Variants in DDTL observed in about 807,000 individuals in gnomAD.
The protein encoded by DDTL is D-dopachrome tautomerase like, also known as putative D-dopachrome decarboxylase-like protein.
In DDTL, 1 loss-of-function variant was observed where a neutral mutation model predicts 1.1. That is an observed-to-expected ratio of 0.91 (90% CI 0.32 to 4.31). DDTL has a LOEUF of 4.31. DDTL is among the 30% of genes most tolerant of loss of function. The pLI, the probability that DDTL is intolerant of heterozygous loss-of-function variation, is 0.17. For missense variants in DDTL, 54 were observed against 48.9 expected, an observed-to-expected ratio of 1.10 and a Z score of -0.31; for synonymous variants, 21 against 16.6, an observed-to-expected ratio of 1.26 and a Z score of -0.64.
intron 2 of DDTL, among the ~76,000 whole-genome samples, chr22:23,970,923 C>T (rs565455415): frequency 9.2e-5 from 14 of 152,010 alleles, no homozygotes; most frequent in South Asian, 2.1e-4. Flanking sequence ...GGGAGGGAGT[C>T]GAAGCTTGCA....
chr22:23,969,970 A>C (rs1332880775), intron 2 of DDTL: 1 of 545,330 alleles, frequency 1.8e-6, no homozygotes, highest in Non-Finnish European at 2.3e-6. Flanking sequence ...ATTGTTAAGC[A>C]GGGCCAGCAG....
intron 2 of DDTL, chr22:23,969,676 C>T: frequency 1.1e-6 from 1 of 915,652 alleles, no homozygotes; most frequent in Non-Finnish European, 1.3e-6. Context: ...ACAATTAGCC[C>T]AGCATGGTGG....
intron 2 of DDTL, among the ~76,000 whole-genome samples, chr22:23,970,509 G>C (rs183093330): frequency 0.02 from 2,986 of 151,586 alleles, 37 homozygotes; most frequent in Non-Finnish European, 0.028. Flanking sequence ...AGTGAATGCT[G>C]TGATTGTGTG....
At chr22:23,969,883 A>T in intron 2 of DDTL, 1 of 985,262 alleles carries the variant, frequency 1.0e-6, no homozygotes, top group Non-Finnish European at 1.2e-6. Context: ...ATAAAGTTAA[A>T]CAGTCAGTCC....
intron 2 of DDTL, chr22:23,969,742 C>T: frequency 1.0e-6 from 1 of 984,110 alleles, no homozygotes; most frequent in Non-Finnish European, 1.2e-6. Flanking sequence ...TTGTTTAGGC[C>T]CAGGAGGTCG....
In DDTL at chr22:23,971,679, C is replaced by G. The variant is rs79966373; in HGVS notation, c.*273C>G. ...GCTCCTTGGCTAATACCACATCTTGCAAGACCCCTGCCAGGTACTCCCACT... is the reference window on the plus strand; with the variant it reads ...GCTCCTTGGCTAATACCACATCTTGGAAGACCCCTGCCAGGTACTCCCACT... On this transcript the variant is annotated 3_prime_UTR_variant, in exon 3 of 3. Coordinates refer to ENST00000215770, the MANE Select transcript of DDTL (RefSeq NM_001084393.2). 96,582 of 1,526,500 alleles carry G rather than the reference C, an allele frequency of 0.063. 3,775 individuals carry two copies. Among genetic ancestry groups the G allele is most frequent in the African/African-American group, 0.17 (12,500 of 72,972 alleles). The allele number at this position is 1,526,500 out of a possible 1,614,324, so 94.6% of individuals were successfully genotyped here. A position where few individuals can be genotyped will look rare whatever the true frequency, so the allele number is the denominator to read the frequency against.
At chr22:23,970,162 G>A (rs548625714) in intron 2 of DDTL, among the ~76,000 whole-genome samples, 40 of 152,310 alleles carry the variant, frequency 2.6e-4, no homozygotes, top group Admixed American at 1.4e-3. Context: ...GGCCAAAGGC[G>A]GAGGTGACAC....
At position 23,971,425 on chromosome 22, in the gene DDTL, T is replaced by C. The variant is rs2033898717; in HGVS notation, c.*19T>C. ...CATATGAGGATGAAGAAGAGGATTA[T>C]GTGATCACAGGAATGTTGCATGCGG... is the stretch of plus-strand genomic sequence containing the variant. On this transcript the variant is annotated 3_prime_UTR_variant, in exon 3 of 3. Coordinates refer to ENST00000215770, the MANE Select transcript of DDTL (RefSeq NM_001084393.2). The C allele has an allele frequency of 1.2e-6, 2 of 1,612,010 alleles. No individual in the cohort carries two copies. Among genetic ancestry groups the C allele is most frequent in the East Asian group, 4.5e-5 (2 of 44,866 alleles).
Position 23,971,520 on chromosome 22 carries a change from TCA to T in DDTL, c.*117_*118del, listed in dbSNP as rs2033901295. 1 of 1,612,692 alleles carries T rather than the reference TCA, an allele frequency of 6.2e-7. No homozygotes were observed. Among genetic ancestry groups the T allele is most frequent in the Non-Finnish European group, 8.5e-7 (1 of 1,179,128 alleles). ...GATCTCTCTGGAAGAAGCAGCCAGT[TCA>T]CAGATGCCCTGGATCCCTCCGTGCC... On this transcript the variant is annotated 3_prime_UTR_variant, in exon 3 of 3. Transcript: ENST00000215770.
Position 23,971,692 on chromosome 22 carries a change from A to G in DDTL, c.*286A>G. 1 of 1,430,226 alleles carries G rather than the reference A, an allele frequency of 7.0e-7. No individual in the cohort carries two copies. The highest frequency in any genetic ancestry group is 9.7e-7 in the Non-Finnish European group (1 of 1,032,398). 88.6% of individuals were successfully genotyped at this position (1,430,226 alleles called of 1,614,324 possible). ...TACCACATCTTGCAAGACCCCTGCC[A>G]GGTACTCCCACTGTGGGTACTCAGG... On this transcript the variant is annotated 3_prime_UTR_variant, in exon 3 of 3. Transcript: ENST00000215770.
Position 23,971,498 on chromosome 22 carries a change from C to A in DDTL, c.*92C>A. On this transcript the variant is annotated 3_prime_UTR_variant, in exon 3 of 3. Transcript: ENST00000215770. ...CCAGGCCCTCACTCTGCCAAGAGAT[C>A]TCTCTGGAAGAAGCAGCCAGTTCAC... is the stretch of plus-strand genomic sequence containing the variant. 3 of 1,609,872 alleles carry A rather than the reference C, an allele frequency of 1.9e-6. No homozygotes were observed. The highest frequency in any genetic ancestry group is 2.5e-6 in the Non-Finnish European group (3 of 1,177,178).
Position 23,969,453 on chromosome 22 carries a change from GCTA to G in DDTL, c.285-1830_285-1828del, listed in dbSNP as rs1190163162. 26 of 986,290 alleles carry G rather than the reference GCTA, an allele frequency of 2.6e-5. No individual in the cohort carries two copies. The African/African-American group carries it at 4.5e-4, about 17-fold the overall frequency. The allele number at this position is 986,290 out of a possible 1,614,324, so 61.1% of individuals were successfully genotyped here. On this transcript the variant is annotated intron_variant, in intron 2 of 2. Transcript: ENST00000215770. ...TGGAGTGTGCAGCACACACGATGAG[GCTA>G]CTGTGTTGAGTGTCTGTCCTAGGTG...
chr22:23,970,952 G>A (rs2033889644), intron 2 of DDTL, among the ~76,000 whole-genome samples: 1 of 152,116 alleles, frequency 6.6e-6, no homozygotes. Context: ...GAGGAGGAGG[G>A]GCAGACTGGG....
At chr22:23,969,534 C>A in intron 2 of DDTL, 1 of 985,352 alleles carries the variant, frequency 1.0e-6, no homozygotes, top group Non-Finnish European at 1.2e-6. Context: ...CACTGCCCTG[C>A]TGGGGGTTGG....
Position 23,971,260 on chromosome 22 carries a change from G to C in DDTL, c.285-26G>C, listed in dbSNP as rs138921652. ...GGCTGAGTCTCCCAGCCCCAGATCT[G>C]AGCAGTCTAAATCATCCCCCTCCAG... On this transcript the variant is annotated intron_variant, in intron 2 of 2. Transcript: ENST00000215770. 6.8e-5 allele frequency: 108 copies of C among 1,596,944 alleles called. 1 individual carries two copies. The African/African-American group carries it at 1.4e-3, about 20-fold the overall frequency.
chr22:23,969,562 G>C, intron 2 of DDTL: 2 of 976,800 alleles, frequency 2.0e-6, no homozygotes, highest in Non-Finnish European at 2.4e-6. Flanking sequence ...TCATTACCGG[G>C]ATGAGCACTT....
At chr22:23,970,610 T>C (rs1944492472) in intron 2 of DDTL, among the ~76,000 whole-genome samples, 1 of 152,098 alleles carries the variant, frequency 6.6e-6, no homozygotes, top group Non-Finnish European at 1.5e-5. Flanking sequence ...TGACTGGGTG[T>C]ATATGTGTGT....
Position 23,971,921 on chromosome 22 carries a change from A to C in DDTL, c.*515A>C. The C allele has an allele frequency of 6.7e-6, 2 of 297,370 alleles. No homozygotes were observed. Among genetic ancestry groups the C allele is most frequent in the Non-Finnish European group, 1.2e-5 (2 of 163,190 alleles). The allele number at this position is 297,370 out of a possible 1,614,324, so 18.4% of individuals were successfully genotyped here. A position where few individuals can be genotyped will look rare whatever the true frequency, so the allele number is the denominator to read the frequency against. ...TCCATCAGTTTGTGTACTGAGGGGT[A>C]CCCTGCCTCCTAATTGCAGGCTCCC... On this transcript the variant is annotated 3_prime_UTR_variant, in exon 3 of 3. Transcript: ENST00000215770.
chr22:23,969,809 G>C (rs1306574818), intron 2 of DDTL: 1 of 985,770 alleles, frequency 1.0e-6, no homozygotes, highest in Non-Finnish European at 1.2e-6. Context: ...GCTGCCTTTG[G>C]ATTGTTCCTA....
Sources: allele counts gnomAD v4.1 joint callset (sites outside exome capture counted in the v4.1 genomes callset), GRCh38; gene constraint gnomAD v4.1.1; transcripts MANE v1.5; gene names NCBI Gene and HGNC (gene_info 2026-07-23, HGNC 2026-07-21).